RBBP7: variants seen among roughly 807,000 people sequenced by gnomAD.
The protein encoded by RBBP7 is RB binding protein 7, chromatin remodeling factor, also known as histone-binding protein RBBP7.
A neutral mutation model predicts 35.2 loss-of-function variants in RBBP7; 5 were observed. The ratio of observed to expected loss-of-function variants is 0.14; its 90% CI spans 0.07 to 0.30. The LOEUF is 0.30. Ranked by LOEUF, RBBP7 falls within the 10% of genes least tolerant of loss-of-function variation. The pLI, the probability that RBBP7 is intolerant of heterozygous loss-of-function variation, is 1.00. For missense variants in RBBP7, 155 were observed against 327.5 expected, an observed-to-expected ratio of 0.47 and a Z score of 4.07; for synonymous variants, 140 against 118.7, an observed-to-expected ratio of 1.18 and a Z score of -1.17.
chrX:16,853,589 T>TAA (rs376093260), intron 6 of RBBP7, 93 bp downstream of exon 6: 83 of 705,627 alleles, frequency 1.2e-4, no homozygotes, highest in African/African-American at 3.5e-4. Flanking sequence ...AGCCATAACT[T>TAA]AAAAAAAAAA....
chrX:16,852,563 A>G lies in RBBP7; in HGVS notation c.951T>C (p.Asp317=), dbSNP rs749908597. 5.0e-6 allele frequency: 6 copies of G among 1,211,337 alleles called. No individual in the cohort carries two copies. The highest frequency in any genetic ancestry group is 2.3e-4 in the Middle Eastern group (1 of 4,354). The change falls in exon 8 of 12, where the codon GAT becomes GAC. Residue 317 remains aspartate (D), a synonymous_variant. Coordinates refer to ENST00000380087, the MANE Select transcript of RBBP7 (RefSeq NM_002893.4). ...LKLHTFESHK[D]EIFQVHWSPH... is the part of the protein sequence containing the mutation. ...AACTGTCACATACCTGGAAAATTTC[A>G]TCTTTATGAGATTCGAAGGTATGGA... is the stretch of plus-strand genomic sequence containing the variant.
chrX:16,849,405 A>C, intron 9 of RBBP7, 104 bp from the exon 10 acceptor site: 1 of 688,290 alleles, frequency 1.5e-6, no homozygotes, highest in Non-Finnish European at 2.2e-6. Context: ...ACATAAACAC[A>C]CTCACAAAAA....
chrX:16,852,979 C>T, intron 6 of RBBP7, 104 bp from the exon 7 acceptor site: 3 of 1,153,452 alleles, frequency 2.6e-6, no homozygotes, highest in Non-Finnish European at 3.5e-6. Flanking sequence ...CTATGTGCTC[C>T]CCTTCATGAA....
intron 2 of RBBP7, among the ~76,000 whole-genome samples, chrX:16,868,377 GT>G (rs1011353106): frequency 5.3e-5 from 6 of 112,383 alleles, no homozygotes; most frequent in Non-Finnish European, 9.4e-5. Context: ...CTCACTCCCA[GT>G]TTCCTTATCA....
Position 16,844,393 on chromosome X carries a change from AC to A in RBBP7, c.*641del, listed in dbSNP as rs1342235042. 5 of 112,555 alleles carry A rather than the reference AC, an allele frequency of 4.4e-5. No homozygotes were observed. The highest frequency in any genetic ancestry group is 1.6e-4 in the African/African-American group (5 of 30,968). 9.3% of individuals were successfully genotyped at this position (112,555 alleles called of 1,213,427 possible). On this transcript the variant is annotated 3_prime_UTR_variant, in exon 12 of 12. Transcript: ENST00000380087. ...TACAGCCCACGTCTTTCATGAGGAT[AC>A]GAATTGTTAAGAGGCAGTCTCGTTT... is the stretch of plus-strand genomic sequence containing the variant.
chrX:16,864,542 A>AAAAAAGAAAAAG (rs1165626105), intron 2 of RBBP7, among the ~76,000 whole-genome samples: 8 of 40,709 alleles, frequency 2.0e-4, no homozygotes, highest in African/African-American at 8.5e-4. Flanking sequence ...AAAAAAAAAA[A>AAAAAAGAAAAAG]AAAAAGAAAA....
intron 1 of RBBP7, chrX:16,869,733 T>G: frequency 7.3e-6 from 7 of 960,230 alleles, no homozygotes; most frequent in East Asian, 4.5e-5. Context: ...CGGCGCTCGC[T>G]TCCCAGCGGC....
intron 1 of RBBP7, chrX:16,869,698 G>A (rs937170363): frequency 3.1e-6 from 3 of 966,218 alleles, no homozygotes; most frequent in African/African-American, 2.1e-5. Flanking sequence ...GGCGGTCAAC[G>A]CGCGCGCGCG....
At chrX:16,864,134 T>G (rs1259194738) in intron 2 of RBBP7, among the ~76,000 whole-genome samples, 1 of 109,699 alleles carries the variant, frequency 9.1e-6, no homozygotes, top group East Asian at 2.8e-4. Context: ...GGTAAAAAAG[T>G]GTGTGCACAT....
At chrX:16,854,609 T>C (rs765672750) in intron 5 of RBBP7, among the ~76,000 whole-genome samples, 116 of 111,274 alleles carry the variant, frequency 1.0e-3, no homozygotes, top group Admixed American at 1.9e-3. Context: ...TTTCACTTCA[T>C]GGCAGAAACC....
chrX:16,864,518 T>C (rs370408836), intron 2 of RBBP7, among the ~76,000 whole-genome samples: 25 of 57,729 alleles, frequency 4.3e-4, no homozygotes, highest in African/African-American at 1.9e-3. Context: ...CGAGTGAAAC[T>C]CCGTCTCCAA....
At chrX:16,855,995 C>CAAA (rs754398259) in intron 5 of RBBP7, among the ~76,000 whole-genome samples, 4,449 of 15,955 alleles carry the variant, frequency 0.28, 1,075 homozygotes, top group East Asian at 0.52. Flanking sequence ...GACCTTGTCT[C>CAAA]AAAAAAAAAA....
intron 9 of RBBP7, among the ~76,000 whole-genome samples, chrX:16,850,238 T>C (rs1930180631): frequency 8.9e-6 from 1 of 112,886 alleles, no homozygotes; most frequent in Non-Finnish European, 1.9e-5. Flanking sequence ...ACAGGGTCTA[T>C]GTTGCCCAGG....
chrX:16,850,194 T>C (rs1164011176), intron 9 of RBBP7, among the ~76,000 whole-genome samples: 1 of 112,351 alleles, frequency 8.9e-6, no homozygotes, highest in East Asian at 2.8e-4. Flanking sequence ...AATCCCAAAT[T>C]TTATCTAATG....
chrX:16,865,215 T>A lies in RBBP7; in HGVS notation c.162-2115A>T, dbSNP rs1158653768. ...GCCTGGGCAACGTGGCAAAATCCCA[T>A]CTCCACAAAAAACAAAAAACACAAA... is the stretch of plus-strand genomic sequence containing the variant. On this transcript the variant is annotated intron_variant, in intron 2 of 11. Transcript: ENST00000380087. 6.4e-5 allele frequency among the ~76,000 whole-genome samples: 7 copies of A among 109,383 alleles called. No homozygotes were observed. In the Admixed American group the frequency reaches 6.8e-4, roughly 11 times the overall value. The allele number at this position is 109,383 out of a possible 115,157, so 95.0% of individuals were successfully genotyped here.
At chrX:16,869,619 A>G in intron 1 of RBBP7, 1 of 1,160,554 alleles carries the variant, frequency 8.6e-7, no homozygotes, top group Non-Finnish European at 1.1e-6. Flanking sequence ...CCCAGCTCCC[A>G]CGACGCCCGC....
At chrX:16,849,516 G>C (rs1359537811) in intron 9 of RBBP7, among the ~76,000 whole-genome samples, 5 of 110,984 alleles carry the variant, frequency 4.5e-5, no homozygotes, top group Non-Finnish European at 3.8e-5. Context: ...TCATTCACAG[G>C]CACGATCACT....
chrX:16,861,658 T>A lies in RBBP7; in HGVS notation c.307+1297A>T, dbSNP rs752573788. Among the ~76,000 whole-genome samples the A allele has an allele frequency of 1.9e-4, 21 of 111,848 alleles. 1 individual carries two copies. Among genetic ancestry groups the A allele is most frequent in the Non-Finnish European group, 3.4e-4 (18 of 53,113 alleles). ...CACTGCACCTGGCCAGTATTTTATT[T>A]TCAATAAGAAAAAAACCCTAAGGCA... On this transcript the variant is annotated intron_variant, in intron 3 of 11. Coordinates refer to ENST00000380087, the MANE Select transcript of RBBP7 (RefSeq NM_002893.4).
chrX:16,868,510 C>T (rs1930683327), intron 2 of RBBP7, among the ~76,000 whole-genome samples: 1 of 112,457 alleles, frequency 8.9e-6, no homozygotes, highest in Non-Finnish European at 1.9e-5. Flanking sequence ...TAAATGCCAG[C>T]AATTATTACC....
Sources: gnomAD v4.1 joint callset for allele counts (sites outside exome capture counted in the v4.1 genomes callset) on GRCh38, gnomAD v4.1.1 for gene constraint, MANE v1.5 for transcripts, NCBI Gene and HGNC (gene_info 2026-07-23, HGNC 2026-07-21) for gene names.